Variants in KHDRBS3 observed in about 807,000 individuals in gnomAD.
The protein encoded by KHDRBS3 is KH RNA binding domain containing, signal transduction associated 3.
In KHDRBS3, 23 loss-of-function variants were observed where a neutral mutation model predicts 45.6. That is an observed-to-expected ratio of 0.50 (90% CI 0.36 to 0.72). The LOEUF is 0.72. KHDRBS3 is among the 30% of genes least tolerant of loss of function. KHDRBS3 has a pLI of 0.00. For synonymous variants in KHDRBS3, 162 were observed against 156.5 expected (o/e 1.04, Z -0.26); for missense variants, 352 against 424.8 (o/e 0.83, Z 1.51).
intron 1 of KHDRBS3, among the ~76,000 whole-genome samples, chr8:135,516,942 C>T (rs1824640602): frequency 6.6e-6 from 1 of 150,628 alleles, no homozygotes; most frequent in Non-Finnish European, 1.5e-5. Context: ...ATATTGGAAA[C>T]TTAACTTATT....
At chr8:135,511,399 CTCAT>C (rs975343180) in intron 1 of KHDRBS3, among the ~76,000 whole-genome samples, 1 of 151,996 alleles carries the variant, frequency 6.6e-6, no homozygotes, top group Non-Finnish European at 1.5e-5. Flanking sequence ...CTCCATCCTC[CTCAT>C]TATTATTCTT....
intron 2 of KHDRBS3, among the ~76,000 whole-genome samples, chr8:135,530,920 G>A (rs1013093790): frequency 5.3e-5 from 8 of 151,956 alleles, no homozygotes. Context: ...CCTATCGATT[G>A]CAATAGATTC....
intron 5 of KHDRBS3, among the ~76,000 whole-genome samples, chr8:135,565,329 G>C (rs914769250): frequency 1.2e-4 from 18 of 152,168 alleles, no homozygotes; most frequent in African/African-American, 4.1e-4. Context: ...TTTTGAAACT[G>C]AGATCCCTGG....
intron 1 of KHDRBS3, among the ~76,000 whole-genome samples, chr8:135,520,954 G>A (rs1327623991): frequency 1.3e-5 from 2 of 152,150 alleles, no homozygotes; most frequent in Non-Finnish European, 2.9e-5. Context: ...TAGTTATCCA[G>A]AAGACCTGAA....
chr8:135,601,501 A>G lies in KHDRBS3; in HGVS notation c.808-5454A>G, dbSNP rs73712088. On this transcript the variant is annotated intron_variant, in intron 6 of 8. Coordinates refer to ENST00000355849, the MANE Select transcript of KHDRBS3 (RefSeq NM_006558.3). ...GCCAGAGACTTGCAGGAAACAGCAC[A>G]TGAACTAGAAATAGTCATTGCATGG... 8.9e-3 allele frequency among the ~76,000 whole-genome samples: 1,354 copies of G among 152,340 alleles called. 13 individuals are homozygous for G. The highest frequency in any genetic ancestry group is 0.024 in the African/African-American group (1,006 of 41,580).
chr8:135,472,787 T>C (rs1822078868), intron 1 of KHDRBS3, among the ~76,000 whole-genome samples: 1 of 152,140 alleles, frequency 6.6e-6, no homozygotes, highest in South Asian at 2.1e-4. Flanking sequence ...ATGTGGTCTT[T>C]CTAGACACCA....
At chr8:135,571,421 T>C (rs1189141969) in intron 5 of KHDRBS3, among the ~76,000 whole-genome samples, 1 of 152,220 alleles carries the variant, frequency 6.6e-6, no homozygotes, top group Non-Finnish European at 1.5e-5. Context: ...TCACAGATTT[T>C]CCTTAAATCC....
At chr8:135,599,787 GTCT>G (rs1206200963) in intron 6 of KHDRBS3, among the ~76,000 whole-genome samples, 1 of 152,242 alleles carries the variant, frequency 6.6e-6, no homozygotes, top group Non-Finnish European at 1.5e-5. Flanking sequence ...TCAGCCTGGA[GTCT>G]TCTTGTTGGC....
chr8:135,625,567 G>C (rs1830321088), intron 7 of KHDRBS3: 2 of 937,752 alleles, frequency 2.1e-6, no homozygotes, highest in Admixed American at 3.4e-5. Context: ...CAACGAGAGA[G>C]GGAGCCACTG....
intron 1 of KHDRBS3, among the ~76,000 whole-genome samples, chr8:135,462,521 G>C (rs530404600): frequency 6.6e-6 from 1 of 152,138 alleles, no homozygotes; most frequent in Non-Finnish European, 1.5e-5. Flanking sequence ...CTTTCCTAAG[G>C]AACATCTTAG....
chr8:135,532,508 G>A (rs867535623), intron 2 of KHDRBS3, among the ~76,000 whole-genome samples: 20 of 152,274 alleles, frequency 1.3e-4, no homozygotes, highest in African/African-American at 4.6e-4. Context: ...TTTGGGTGCT[G>A]GGAAAATACA....
intron 1 of KHDRBS3, among the ~76,000 whole-genome samples, chr8:135,474,950 C>T (rs961319607): frequency 9.9e-5 from 15 of 152,206 alleles, no homozygotes; most frequent in Admixed American, 5.2e-4. Flanking sequence ...AGGCTGCTTA[C>T]ATTCCTCGGC....
At chr8:135,546,071 A>G (rs529120966) in intron 3 of KHDRBS3, among the ~76,000 whole-genome samples, 1 of 151,984 alleles carries the variant, frequency 6.6e-6, no homozygotes, top group Non-Finnish European at 1.5e-5. Context: ...CGGGAGGCAG[A>G]GGTTGCAGTG....
chr8:135,530,032 TG>T (rs1825391061), intron 2 of KHDRBS3, among the ~76,000 whole-genome samples: 1 of 145,746 alleles, frequency 6.9e-6, no homozygotes, highest in African/African-American at 2.6e-5. Flanking sequence ...AGCCTGAGCC[TG>T]GGGGCACAAA....
At chr8:135,594,731 G>A (rs201168537) in intron 6 of KHDRBS3, among the ~76,000 whole-genome samples, 4 of 152,244 alleles carry the variant, frequency 2.6e-5, no homozygotes, top group East Asian at 3.9e-4. Context: ...AAATTAAAAA[G>A]GTATTTTGAA....
chr8:135,549,895 T>C (rs1826500839), intron 4 of KHDRBS3: 1 of 152,198 alleles, frequency 6.6e-6, no homozygotes, highest in South Asian at 2.1e-4. Context: ...AAGTATGTAA[T>C]AACCTGGGAA....
intron 2 of KHDRBS3, among the ~76,000 whole-genome samples, chr8:135,526,362 A>C (rs925453691): frequency 1.3e-5 from 2 of 151,982 alleles, no homozygotes; most frequent in African/African-American, 4.8e-5. Context: ...ATAATTTAAA[A>C]ATTATAATTT....
intron 2 of KHDRBS3, chr8:135,539,290 A>G (rs1400449227): frequency 6.6e-6 from 1 of 152,300 alleles, no homozygotes; most frequent in Non-Finnish European, 1.5e-5. Flanking sequence ...AGCCAAGCAC[A>G]TTACCATTAT....
Position 135,604,034 on chromosome 8 carries a change from G to A in KHDRBS3, c.808-2921G>A, listed in dbSNP as rs528482396. 1.1e-4 allele frequency among the ~76,000 whole-genome samples: 16 copies of A among 151,792 alleles called. No homozygotes were observed. In the South Asian group the frequency reaches 2.1e-3, roughly 20 times the overall value. ...AGTACCCAACTATTATTGTTGAATTGTCTATTTCTCCCTTTAATTCTGGTA... is the reference window on the plus strand; with the variant it reads ...AGTACCCAACTATTATTGTTGAATTATCTATTTCTCCCTTTAATTCTGGTA... On this transcript the variant is annotated intron_variant, in intron 6 of 8. Transcript: ENST00000355849.
Sources: gnomAD v4.1 joint callset for allele counts (sites outside exome capture counted in the v4.1 genomes callset) on GRCh38, gnomAD v4.1.1 for gene constraint, MANE v1.5 for transcripts, NCBI Gene and HGNC (gene_info 2026-07-23, HGNC 2026-07-21) for gene names.